Variants in SCD5 observed in about 807,000 individuals in gnomAD.
SCD5 encodes stearoyl-CoA desaturase 5.
Under a neutral mutation model 30.4 loss-of-function variants are expected in SCD5, and 20 were observed. The ratio of observed to expected loss-of-function variants is 0.66; its 90% CI spans 0.46 to 0.96. The LOEUF is 0.96. Ranked by LOEUF, SCD5 falls within the 40% of genes least tolerant of loss-of-function variation. SCD5 has a pLI of 0.00. For synonymous variants in SCD5, 173 were observed against 176.4 expected, an observed-to-expected ratio of 0.98 and a Z score of 0.16; for missense variants, 381 against 443.3, an observed-to-expected ratio of 0.86 and a Z score of 1.26.
At chr4:82,650,673 G>A (rs1727733095) in intron 3 of SCD5, among the ~76,000 whole-genome samples, 1 of 56,212 alleles carries the variant, frequency 1.8e-5, no homozygotes, top group Non-Finnish European at 5.1e-5. Context: ...TCCAGCCTGG[G>A]TGACAGAGTG....
intron 1 of SCD5, among the ~76,000 whole-genome samples, chr4:82,790,552 CT>C (rs1722080258): frequency 6.6e-6 from 1 of 152,144 alleles, no homozygotes; most frequent in Non-Finnish European, 1.5e-5. Flanking sequence ...TGGCTCCTAC[CT>C]TTGGGGAGCC....
chr4:82,775,062 C>A (rs914260058), intron 1 of SCD5, among the ~76,000 whole-genome samples: 1 of 152,194 alleles, frequency 6.6e-6, no homozygotes, highest in African/African-American at 2.4e-5. Context: ...CACAGCCTGC[C>A]ACTTCACTGC....
At chr4:82,748,563 A>G (rs778614666) in intron 1 of SCD5, among the ~76,000 whole-genome samples, 6 of 152,222 alleles carry the variant, frequency 3.9e-5, no homozygotes, top group Admixed American at 6.5e-5. Flanking sequence ...CCTGAGGCAC[A>G]AGGGCAAAAA....
intron 1 of SCD5, among the ~76,000 whole-genome samples, chr4:82,723,077 CAAAAAAAAA>C: frequency 1.1e-5 from 1 of 89,958 alleles, no homozygotes; most frequent in East Asian, 3.3e-4. Context: ...AACTCTGTCT[CAAAAAAAAA>C]AAAAAAAAAA....
chr4:82,635,538 G>A (rs897038391), intron 4 of SCD5, among the ~76,000 whole-genome samples: 3 of 149,386 alleles, frequency 2.0e-5, no homozygotes, highest in South Asian at 2.1e-4. Flanking sequence ...GGAGAATGGC[G>A]TGAACCTGGG....
intron 1 of SCD5, among the ~76,000 whole-genome samples, chr4:82,705,796 T>C (rs1009300041): frequency 1.3e-5 from 2 of 152,190 alleles, no homozygotes; most frequent in African/African-American, 4.8e-5. Flanking sequence ...TTGGCACACA[T>C]GACAGGGTGA....
intron 1 of SCD5, among the ~76,000 whole-genome samples, chr4:82,719,088 T>A (rs1165665611): frequency 2.0e-5 from 3 of 151,820 alleles, no homozygotes; most frequent in South Asian, 2.1e-4. Flanking sequence ...ACAGATTTTT[T>A]AAAAAACTGA....
intron 3 of SCD5, among the ~76,000 whole-genome samples, chr4:82,669,315 A>AAC (rs900724790): frequency 1.3e-5 from 2 of 152,032 alleles, no homozygotes; most frequent in East Asian, 3.9e-4. Flanking sequence ...TTAAAAAAAA[A>AAC]AAAAGGAAAG....
intron 1 of SCD5, among the ~76,000 whole-genome samples, chr4:82,734,509 G>C (rs1720706611): frequency 6.6e-6 from 1 of 152,214 alleles, no homozygotes; most frequent in African/African-American, 2.4e-5. Flanking sequence ...CTGCACAGCT[G>C]TGAGAAACCA....
At chr4:82,653,509 C>T (rs1369270620) in intron 3 of SCD5, among the ~76,000 whole-genome samples, 1 of 152,072 alleles carries the variant, frequency 6.6e-6, no homozygotes, top group African/African-American at 2.4e-5. Context: ...CTCTTAACAT[C>T]ACATTTTCCC....
intron 1 of SCD5, among the ~76,000 whole-genome samples, chr4:82,744,311 T>C (rs1578049015): frequency 6.6e-6 from 1 of 152,342 alleles, no homozygotes; most frequent in African/African-American, 2.4e-5. Flanking sequence ...CTCCCACTCA[T>C]ACAAACTAGG....
chr4:82,651,957 A>G (rs1354446903), intron 3 of SCD5, among the ~76,000 whole-genome samples: 2 of 152,202 alleles, frequency 1.3e-5, no homozygotes, highest in African/African-American at 2.4e-5. Flanking sequence ...GTAAAAAACA[A>G]TAAGAACATT....
At chr4:82,705,681 G>A (rs991409048) in intron 1 of SCD5, among the ~76,000 whole-genome samples, 1 of 152,122 alleles carries the variant, frequency 6.6e-6, no homozygotes, top group African/African-American at 2.4e-5. Context: ...AATGTTTCTT[G>A]CCAGTCTTGA....
intron 3 of SCD5, among the ~76,000 whole-genome samples, chr4:82,677,209 AC>A (rs1728456184): frequency 6.6e-6 from 1 of 152,178 alleles, no homozygotes; most frequent in Admixed American, 6.5e-5. Context: ...CAAACATTGC[AC>A]CCTGGGAGTG....
intron 1 of SCD5, among the ~76,000 whole-genome samples, chr4:82,719,084 T>G (rs111822565): frequency 6.6e-6 from 1 of 151,746 alleles, no homozygotes; most frequent in Non-Finnish European, 1.5e-5. Flanking sequence ...ACCCACAGAT[T>G]TTTTAAAAAA....
intron 1 of SCD5, among the ~76,000 whole-genome samples, chr4:82,789,563 C>T (rs1185121145): frequency 1.3e-5 from 2 of 152,198 alleles, no homozygotes; most frequent in African/African-American, 4.8e-5. Context: ...AGTAGCAAGG[C>T]CCTTAAGGCT....
chr4:82,749,772 C>T (rs907467307), intron 1 of SCD5, among the ~76,000 whole-genome samples: 4 of 152,212 alleles, frequency 2.6e-5, no homozygotes, highest in African/African-American at 9.6e-5. Context: ...GTGATACTAA[C>T]ACATTAGAAA....
chr4:82,790,207 C>T (rs931872648), intron 1 of SCD5, among the ~76,000 whole-genome samples: 1 of 152,152 alleles, frequency 6.6e-6, no homozygotes, highest in African/African-American at 2.4e-5. Flanking sequence ...GGGCTTGAGA[C>T]TGTTCCTCCA....
intron 2 of SCD5, among the ~76,000 whole-genome samples, chr4:82,685,322 A>G (rs192077951): frequency 3.3e-4 from 50 of 152,282 alleles, no homozygotes; most frequent in African/African-American, 1.2e-3. Context: ...ATATAACTCA[A>G]GCCACATAAT....
Sources: gnomAD v4.1 joint callset for allele counts (sites outside exome capture counted in the v4.1 genomes callset) on GRCh38, gnomAD v4.1.1 for gene constraint, MANE v1.5 for transcripts, NCBI Gene and HGNC (gene_info 2026-07-23, HGNC 2026-07-21) for gene names.